ROBO1: variants seen among roughly 807,000 people sequenced by gnomAD.
The protein encoded by ROBO1 is roundabout guidance receptor 1, also known as roundabout homolog 1.
A neutral mutation model predicts 195.9 loss-of-function variants in ROBO1; 149 were observed. The observed-to-expected ratio is 0.76, with a 90% CI of 0.67 to 0.87. The LOEUF (loss-of-function observed/expected upper bound fraction) is 0.87. Ranked by LOEUF, ROBO1 falls within the 40% of genes least tolerant of loss-of-function variation. ROBO1 has a pLI of 0.00. For missense variants in ROBO1, 1,933 were observed against 2,068.3 expected (o/e 0.93, Z 1.27); for synonymous variants, 816 against 733.2 (o/e 1.11, Z -1.82).
intron 4 of ROBO1, among the ~76,000 whole-genome samples, chr3:78,933,495 T>C (rs2039644038): frequency 6.6e-6 from 1 of 152,102 alleles, no homozygotes; most frequent in East Asian, 1.9e-4. Flanking sequence ...ACCTCACTTA[T>C]GAAACAATTT....
intron 2 of ROBO1, among the ~76,000 whole-genome samples, chr3:79,472,126 C>T (rs1197099434): frequency 6.6e-6 from 1 of 151,978 alleles, no homozygotes; most frequent in East Asian, 1.9e-4. Context: ...CAGGAAGAAA[C>T]ACTGAGTAGA....
chr3:78,629,690 C>CCAAAT (rs56830671), intron 25 of ROBO1, among the ~76,000 whole-genome samples: 1 of 151,794 alleles, frequency 6.6e-6, no homozygotes, highest in East Asian at 1.9e-4. Flanking sequence ...CCAAACCAAA[C>CCAAAT]ATACAGTTTC....
chr3:79,740,329 T>C (rs758250201), intron 1 of ROBO1, among the ~76,000 whole-genome samples: 6 of 150,614 alleles, frequency 4.0e-5, no homozygotes, highest in Admixed American at 6.6e-5. Context: ...GTGATGTTGC[T>C]TATGGGAATC....
intron 1 of ROBO1, among the ~76,000 whole-genome samples, chr3:79,671,841 A>G (rs1384492920): frequency 1.3e-5 from 2 of 151,946 alleles, no homozygotes; most frequent in Non-Finnish European, 2.9e-5. Flanking sequence ...GTTCAGAAAA[A>G]TAAAATTAAT....
At chr3:79,138,282 C>T (rs888510675) in intron 2 of ROBO1, among the ~76,000 whole-genome samples, 3 of 152,000 alleles carry the variant, frequency 2.0e-5, no homozygotes, top group African/African-American at 7.2e-5. Flanking sequence ...GAACAGAGTA[C>T]ACAATCAATA....
intron 1 of ROBO1, among the ~76,000 whole-genome samples, chr3:79,631,199 G>T (rs1295634336): frequency 2.6e-5 from 4 of 151,328 alleles, no homozygotes; most frequent in Non-Finnish European, 5.9e-5. Context: ...AAAAAACAAA[G>T]AAAAAAAAGA....
chr3:79,507,304 T>G (rs1382255787), intron 2 of ROBO1, among the ~76,000 whole-genome samples: 2 of 152,166 alleles, frequency 1.3e-5, no homozygotes, highest in East Asian at 3.9e-4. Flanking sequence ...AGAACAACTC[T>G]ATGTGAGTCC....
chr3:79,008,340 G>A (rs2077675527), intron 3 of ROBO1, among the ~76,000 whole-genome samples: 1 of 152,052 alleles, frequency 6.6e-6, no homozygotes, highest in African/African-American at 2.4e-5. Flanking sequence ...AGCAGCAAAA[G>A]TTGGCAGCTG....
chr3:78,790,489 T>TTC (rs1345810761), intron 4 of ROBO1, among the ~76,000 whole-genome samples: 12 of 152,210 alleles, frequency 7.9e-5, no homozygotes, highest in African/African-American at 2.7e-4. Context: ...ACTCTCTTAG[T>TTC]TATTTTTGAA....
At chr3:79,518,306 G>C (rs1295094810) in intron 2 of ROBO1, among the ~76,000 whole-genome samples, 2 of 150,856 alleles carry the variant, frequency 1.3e-5, no homozygotes, top group Non-Finnish European at 2.9e-5. Context: ...GAAGAAGAAG[G>C]AGAAGGAGGA....
At chr3:79,689,071 C>T (rs563342021) in intron 1 of ROBO1, among the ~76,000 whole-genome samples, 1 of 151,916 alleles carries the variant, frequency 6.6e-6, no homozygotes, top group East Asian at 1.9e-4. Flanking sequence ...TTACTGAACA[C>T]GCGTTTTTTA....
intron 19 of ROBO1, among the ~76,000 whole-genome samples, chr3:78,651,271 A>T (rs1388000997): frequency 6.6e-6 from 1 of 152,138 alleles, no homozygotes; most frequent in Admixed American, 6.5e-5. Context: ...TTCCATATTC[A>T]CCAAGAAAGG....
At chr3:78,733,607 A>T (rs1267457813) in intron 5 of ROBO1, among the ~76,000 whole-genome samples, 1 of 152,230 alleles carries the variant, frequency 6.6e-6, no homozygotes, top group African/African-American at 2.4e-5. Context: ...GATAAATTCT[A>T]AAACTATATT....
chr3:78,650,893 CCTAAT>C (rs1484511163), intron 19 of ROBO1, among the ~76,000 whole-genome samples: 3 of 152,072 alleles, frequency 2.0e-5, no homozygotes, highest in Admixed American at 2.0e-4. Context: ...AACCATCTAA[CCTAAT>C]CTACAGCCCA....
chr3:78,838,296 G>A (rs561841648), intron 4 of ROBO1, among the ~76,000 whole-genome samples: 4 of 152,276 alleles, frequency 2.6e-5, no homozygotes, highest in East Asian at 1.9e-4. Flanking sequence ...CACAATCTAC[G>A]TGTACTTCAG....
chr3:78,712,961 C>A (rs10049016), intron 8 of ROBO1, among the ~76,000 whole-genome samples: 4,376 of 152,236 alleles, frequency 0.029, 207 homozygotes, highest in African/African-American at 0.1. Context: ...ATCACAATTG[C>A]CTGGAGATAG....
At chr3:78,863,866 A>G (rs1381812768) in intron 4 of ROBO1, among the ~76,000 whole-genome samples, 1 of 152,164 alleles carries the variant, frequency 6.6e-6, no homozygotes, top group Non-Finnish European at 1.5e-5. Flanking sequence ...AGATTGACAT[A>G]TGTCTCATCT....
At chr3:79,723,801 A>G (rs4856289) in intron 1 of ROBO1, among the ~76,000 whole-genome samples, 42,684 of 94,690 alleles carry the variant, frequency 0.45, 7,618 homozygotes, top group East Asian at 0.65. Flanking sequence ...ATTTGTTTCT[A>G]TAAGGTTTAT....
At chr3:79,364,916 A>AG (rs1381517836) in intron 2 of ROBO1, among the ~76,000 whole-genome samples, 1 of 152,186 alleles carries the variant, frequency 6.6e-6, no homozygotes, top group African/African-American at 2.4e-5. Context: ...GAAAGCCATA[A>AG]GACTACATTT....
Sources: gnomAD v4.1 joint callset for allele counts (sites outside exome capture counted in the v4.1 genomes callset) on GRCh38, gnomAD v4.1.1 for gene constraint, MANE v1.5 for transcripts, NCBI Gene and HGNC (gene_info 2026-07-23, HGNC 2026-07-21) for gene names.